PCDH11Y: variants seen among roughly 807,000 people sequenced by gnomAD.
PCDH11Y encodes the protein protocadherin-11 Y-linked.
For synonymous variants in PCDH11Y, 9 were observed against 83.6 expected (o/e 0.11, Z 4.87); for missense variants, 12 against 224.8 (o/e 0.05, Z 6.05).
intron 4 of PCDH11Y, among the ~76,000 whole-genome samples, chrY:5,637,849 T>A: frequency 3.9e-5 from 1 of 25,706 alleles, no homozygotes; most frequent in East Asian, 9.9e-4. Context: ...TCTGCGAGCA[T>A]GCTAGCAAAA....
chrY:5,654,055 A>G (rs1602956576), intron 4 of PCDH11Y, among the ~76,000 whole-genome samples: 5 of 33,168 alleles, frequency 1.5e-4, no homozygotes, highest in African/African-American at 5.9e-4. Context: ...ACAGACAAGC[A>G]AATGTTGAGA....
At chrY:5,216,669 C>T (rs2052947013) in intron 2 of PCDH11Y, among the ~76,000 whole-genome samples, 1 of 28,715 alleles carries the variant, frequency 3.5e-5, no homozygotes, top group African/African-American at 1.4e-4. Context: ...TATTCTGCTC[C>T]TTATTTTTTT....
At chrY:5,407,624 A>C in intron 2 of PCDH11Y, among the ~76,000 whole-genome samples, 1 of 33,137 alleles carries the variant, frequency 3.0e-5, no homozygotes, top group Non-Finnish European at 7.4e-5. Context: ...CATAGAACTA[A>C]AGCTGTGGGC....
chrY:5,596,278 C>T (rs2053467165), intron 4 of PCDH11Y, among the ~76,000 whole-genome samples: 1 of 32,666 alleles, frequency 3.1e-5, no homozygotes, highest in African/African-American at 1.2e-4. Flanking sequence ...TCCCTGAAGC[C>T]GTATGACAAG....
chrY:5,043,269 T>G, intron 3 of PCDH11Y, among the ~76,000 whole-genome samples: 1 of 33,396 alleles, frequency 3.0e-5, no homozygotes, highest in Non-Finnish European at 7.4e-5. Flanking sequence ...GCTCTTATTA[T>G]TTTGAGATAC....
intron 1 of PCDH11Y, among the ~76,000 whole-genome samples, chrY:5,068,347 A>G: frequency 3.0e-5 from 1 of 33,228 alleles, no homozygotes; most frequent in Non-Finnish European, 7.4e-5. Flanking sequence ...TTGCTTTCCT[A>G]GTTGCAGTTA....
At chrY:5,403,880 C>G in intron 2 of PCDH11Y, among the ~76,000 whole-genome samples, 1 of 32,730 alleles carries the variant, frequency 3.1e-5, no homozygotes, top group Admixed American at 2.8e-4. Context: ...AGAGGGAAAA[C>G]AAATTTACAT....
intron 3 of PCDH11Y, among the ~76,000 whole-genome samples, chrY:5,547,179 T>G: frequency 3.1e-5 from 1 of 32,350 alleles, no homozygotes; most frequent in Non-Finnish European, 7.6e-5. Context: ...ATTATATTAT[T>G]TTTTCATCTT....
chrY:5,106,804 G>A, downstream of PCDH11Y, among the ~76,000 whole-genome samples: 1 of 32,952 alleles, frequency 3.0e-5, no homozygotes, highest in Admixed American at 2.8e-4. Flanking sequence ...TAAAAATTGA[G>A]TCAACTTATT....
intron 3 of PCDH11Y, among the ~76,000 whole-genome samples, chrY:5,548,192 C>G: frequency 3.1e-5 from 1 of 32,403 alleles, no homozygotes; most frequent in Non-Finnish European, 7.6e-5. Context: ...GAACAAAGAT[C>G]ACGGAGATTC....
intron 2 of PCDH11Y, among the ~76,000 whole-genome samples, chrY:5,199,855 G>A: frequency 5.9e-5 from 2 of 33,709 alleles, no homozygotes; most frequent in Non-Finnish European, 1.5e-4. Flanking sequence ...ACAACTGAAA[G>A]AATAGTTACT....
At chrY:5,387,501 A>G in intron 2 of PCDH11Y, among the ~76,000 whole-genome samples, 1 of 31,715 alleles carries the variant, frequency 3.2e-5, no homozygotes, top group Non-Finnish European at 7.6e-5. Context: ...TTGTCTGCAC[A>G]AAGTCCTGTG....
At chrY:5,633,168 A>C in intron 4 of PCDH11Y, among the ~76,000 whole-genome samples, 1 of 32,932 alleles carries the variant, frequency 3.0e-5, no homozygotes. Context: ...TTCACTTAGC[A>C]TAGTGTTTTT....
chrY:5,198,566 G>A, intron 2 of PCDH11Y, among the ~76,000 whole-genome samples: 2 of 32,832 alleles, frequency 6.1e-5, no homozygotes, highest in African/African-American at 2.4e-4. Context: ...TCTTTATTCT[G>A]TTTTACGGTA....
chrY:5,331,940 G>A (rs2053131732), intron 2 of PCDH11Y, among the ~76,000 whole-genome samples: 3 of 33,985 alleles, frequency 8.8e-5, no homozygotes, highest in Admixed American at 8.0e-4. Flanking sequence ...AACACCCTTT[G>A]ATGTTAATGG....
intron 1 of PCDH11Y, among the ~76,000 whole-genome samples, chrY:5,016,170 A>T: frequency 9.0e-5 from 3 of 33,413 alleles, no homozygotes; most frequent in African/African-American, 3.5e-4. Context: ...GCTCTTTTGG[A>T]AGTAACTTAA....
intron 1 of PCDH11Y, among the ~76,000 whole-genome samples, chrY:5,002,216 T>C: frequency 5.1e-5 from 1 of 19,688 alleles, no homozygotes; most frequent in South Asian, 1.4e-3. Context: ...AAAATCCGGG[T>C]AGAAGGGGGA....
chrY:5,240,625 C>T, intron 2 of PCDH11Y, among the ~76,000 whole-genome samples: 9 of 16,107 alleles, frequency 5.6e-4, no homozygotes, highest in African/African-American at 1.4e-3. Context: ...AAGTGTTGGG[C>T]GACCAGTTGC....
At chrY:5,357,048 G>A in intron 2 of PCDH11Y, among the ~76,000 whole-genome samples, 1 of 27,132 alleles carries the variant, frequency 3.7e-5, no homozygotes, top group Non-Finnish European at 8.5e-5. Flanking sequence ...AATTAGCCGG[G>A]CGTGGTGGTG....
Sources: gnomAD v4.1 joint callset for allele counts (sites outside exome capture counted in the v4.1 genomes callset) on GRCh38, gnomAD v4.1.1 for gene constraint, MANE v1.5 for transcripts, NCBI Gene and HGNC (gene_info 2026-07-23, HGNC 2026-07-21) for gene names.